The following RASA3 variants were observed in gnomAD, a reference collection of about 807,000 sequenced individuals.
RASA3 encodes ras GTPase-activating protein 3.
A neutral mutation model predicts 110.0 loss-of-function variants in RASA3; 73 were observed. The ratio of observed to expected loss-of-function variants is 0.66; its 90% CI spans 0.55 to 0.81. The LOEUF is 0.81. Among genes scored for constraint, RASA3 ranks in the 30% least tolerant of loss-of-function variants. RASA3 has a pLI of 0.00. For missense variants in RASA3, 976 were observed against 1,113.2 expected, an observed-to-expected ratio of 0.88 and a Z score of 1.75; for synonymous variants, 500 against 451.4, an observed-to-expected ratio of 1.11 and a Z score of -1.37.
At chr13:114,034,810 T>C (rs920589518) in intron 4 of RASA3, among the ~76,000 whole-genome samples, 4 of 152,126 alleles carry the variant, frequency 2.6e-5, no homozygotes, top group Admixed American at 1.3e-4. Context: ...TCAAAATCAG[T>C]GGGATGAAGC....
At chr13:113,992,017 A>T (rs1480041960) in intron 22 of RASA3, among the ~76,000 whole-genome samples, 1 of 151,898 alleles carries the variant, frequency 6.6e-6, no homozygotes, top group Admixed American at 6.6e-5. Context: ...ACATGTCCAC[A>T]TTCACACATC....
chr13:114,106,010 A>G (rs2080130441), intron 1 of RASA3, among the ~76,000 whole-genome samples: 2 of 152,146 alleles, frequency 1.3e-5, no homozygotes, highest in Non-Finnish European at 2.9e-5. Context: ...CTCTGGGGCC[A>G]CGGCAGGAAA....
intron 2 of RASA3, among the ~76,000 whole-genome samples, chr13:114,058,479 T>C (rs190649203): frequency 1.8e-4 from 27 of 152,368 alleles, no homozygotes; most frequent in African/African-American, 5.8e-4. Flanking sequence ...ACAGAGACCA[T>C]TTCCTGTTTT....
chr13:114,089,414 G>A (rs1232768103), intron 1 of RASA3, among the ~76,000 whole-genome samples: 1 of 151,792 alleles, frequency 6.6e-6, no homozygotes, highest in Non-Finnish European at 1.5e-5. Context: ...TGGCATGGAG[G>A]GCAGGAGGCG....
At chr13:114,003,380 G>A (rs1021614880) in intron 18 of RASA3, among the ~76,000 whole-genome samples, 4 of 152,314 alleles carry the variant, frequency 2.6e-5, no homozygotes, top group South Asian at 4.1e-4. Flanking sequence ...GCAGCTTCTC[G>A]GCGTCAGACA....
At chr13:114,061,969 TGGTGGGCAGGGGGCTCCAGATCCCAC>T (rs1374245849) in intron 2 of RASA3, among the ~76,000 whole-genome samples, 1 of 152,024 alleles carries the variant, frequency 6.6e-6, no homozygotes, top group African/African-American at 2.4e-5. Flanking sequence ...TCAGGGGACA[TGGTGGGCAGGGGGCTCCAGATCCCAC>T]GGTGGGCAGA....
Position 114,115,604 on chromosome 13 carries a change from C to T in RASA3, c.55+16831G>A, listed in dbSNP as rs1188736940. Among the ~76,000 whole-genome samples, 2 of 152,190 alleles carry T rather than the reference C, an allele frequency of 1.3e-5. No individual in the cohort carries two copies. The highest frequency in any genetic ancestry group is 4.8e-5 in the African/African-American group (2 of 41,436). ...TCATGTCCACGCCCTCTGCAGGCCT[C>T]GTGTCCCCCTCGCTGTCGCCTGCCG... On this transcript the variant is annotated intron_variant, in intron 1 of 23. Coordinates refer to ENST00000334062, the MANE Select transcript of RASA3 (RefSeq NM_007368.4). The surrounding 1 kb of genome is among the most constrained non-coding windows in gnomAD (Gnocchi z 5.0).
Position 114,000,937 on chromosome 13 carries a change from G to A in RASA3, c.1743-5C>T, listed in dbSNP as rs763425864. On this transcript the variant is annotated splice_polypyrimidine_tract_variant and splice_region_variant and intron_variant, in intron 18 of 23. Transcript: ENST00000334062. ...TGGGCCCTCTTGATCATGAACCTGTGTGAAGAGCACACAGGGCCGGGGTCC... is the reference window on the plus strand; with the variant it reads ...TGGGCCCTCTTGATCATGAACCTGTATGAAGAGCACACAGGGCCGGGGTCC... The A allele has an allele frequency of 1.2e-6, 2 of 1,603,114 alleles. No homozygotes were observed. Among genetic ancestry groups the A allele is most frequent in the African/African-American group, 1.3e-5 (1 of 74,788 alleles).
chr13:113,995,666 AGGACCCAGCTGATGGG>A (rs2053218327), intron 21 of RASA3, among the ~76,000 whole-genome samples: 1 of 84,232 alleles, frequency 1.2e-5, no homozygotes, highest in African/African-American at 5.4e-5. Flanking sequence ...CAGCTGACGG[AGGACCCAGCTGATGGG>A]GGCCCGGCTG....
intron 3 of RASA3, among the ~76,000 whole-genome samples, chr13:114,042,480 C>T (rs1420624385): frequency 6.6e-6 from 1 of 152,262 alleles, no homozygotes; most frequent in Non-Finnish European, 1.5e-5. Context: ...CACCCAGAGA[C>T]ACACACGCCC....
intron 4 of RASA3, among the ~76,000 whole-genome samples, chr13:114,039,002 G>A (rs906684469): frequency 2.6e-5 from 4 of 152,222 alleles, no homozygotes; most frequent in East Asian, 1.9e-4. Context: ...TGCGCCAGGT[G>A]CCTTCGAGTG....
At chr13:114,016,398 T>TCCC (rs1403580145) in intron 12 of RASA3, 127 bp from the exon 13 acceptor site, 4 of 719,082 alleles carry the variant, frequency 5.6e-6, no homozygotes, top group Non-Finnish European at 9.9e-6. Context: ...CCACGACAGC[T>TCCC]CCCCGAACCC....
intron 14 of RASA3, among the ~76,000 whole-genome samples, chr13:114,013,648 GTC>G (rs1566478175): frequency 3.2e-5 from 2 of 61,970 alleles, no homozygotes; most frequent in Non-Finnish European, 3.2e-5. Flanking sequence ...CCATCTCTTT[GTC>G]TCTCTCCCTC....
At chr13:114,099,541 TCC>T (rs2079995386) in intron 1 of RASA3, among the ~76,000 whole-genome samples, 1 of 150,958 alleles carries the variant, frequency 6.6e-6, no homozygotes. Flanking sequence ...CTCCTTTCCC[TCC>T]CTGCCTGGGA....
chr13:113,991,401 CA>C (rs2139086498), intron 22 of RASA3, among the ~76,000 whole-genome samples: 1 of 152,346 alleles, frequency 6.6e-6, no homozygotes, highest in African/African-American at 2.4e-5. Flanking sequence ...ATCTAACAGG[CA>C]TAACTCCAGG....
At chr13:114,066,983 TGGGCTGAGGACGGGCCCCCCA>T (rs2079464293) in intron 2 of RASA3, among the ~76,000 whole-genome samples, 1 of 137,958 alleles carries the variant, frequency 7.2e-6, no homozygotes, top group Admixed American at 7.2e-5. Context: ...CCCCCCTACC[TGGGCTGAGGACGGGCCCCCCA>T]ACCTGGGCTG....
chr13:114,009,595 G>A (rs1594313346), intron 16 of RASA3, 131 bp from the exon 17 acceptor site: 1 of 666,018 alleles, frequency 1.5e-6, no homozygotes, highest in African/African-American at 1.8e-5. Context: ...CGGTGTTACC[G>A]GGCAAGTGAG....
chr13:114,052,573 C>A (rs902579858), intron 2 of RASA3, among the ~76,000 whole-genome samples: 1 of 152,222 alleles, frequency 6.6e-6, no homozygotes, highest in African/African-American at 2.4e-5. Context: ...TGCCTTGGAC[C>A]GCTCCTTTTA....
At chr13:114,062,250 A>G (rs887662392) in intron 2 of RASA3, among the ~76,000 whole-genome samples, 2 of 152,106 alleles carry the variant, frequency 1.3e-5, no homozygotes, top group Admixed American at 1.3e-4. Context: ...CATGCATAGG[A>G]AAGAATGCTT....
Sources: allele counts gnomAD v4.1 joint callset (sites outside exome capture counted in the v4.1 genomes callset), GRCh38; gene constraint gnomAD v4.1.1; non-coding constraint Gnocchi (gnomAD v3.1); transcripts MANE v1.5; gene names NCBI Gene and HGNC (gene_info 2026-07-23, HGNC 2026-07-21).